CNN1: variants seen among roughly 807,000 people sequenced by gnomAD.
CNN1 encodes calponin 1.
Under a neutral mutation model 35.3 loss-of-function variants are expected in CNN1, and 21 were observed. The observed-to-expected ratio is 0.60, with a 90% CI of 0.42 to 0.86. CNN1 has a LOEUF of 0.86. Ranked by LOEUF, CNN1 falls within the 40% of genes least tolerant of loss-of-function variation. The pLI is 0.00. For synonymous variants in CNN1, 164 were observed against 161.8 expected (o/e 1.01, Z -0.10); for missense variants, 314 against 400.8 (o/e 0.78, Z 1.85).
chr19:11,544,859 G>GCT (rs1972546526), intron 2 of CNN1, among the ~76,000 whole-genome samples: 1 of 151,840 alleles, frequency 6.6e-6, no homozygotes, highest in Admixed American at 6.6e-5. Context: ...GCAATGGGAG[G>GCT]CTCCTGGAGG....
At chr19:11,540,278 C>T in intron 1 of CNN1, 1 of 161,982 alleles carries the variant, frequency 6.2e-6, no homozygotes. Flanking sequence ...AAGACCTAGA[C>T]AAGGATGGAG....
At chr19:11,548,613 G>A (rs1392228378) in intron 5 of CNN1, among the ~76,000 whole-genome samples, 1 of 151,998 alleles carries the variant, frequency 6.6e-6, no homozygotes, top group Non-Finnish European at 1.5e-5. Context: ...CGAGGCAGGC[G>A]GATCACTTAA....
At chr19:11,540,810 C>T in intron 1 of CNN1, 1 of 366,166 alleles carries the variant, frequency 2.7e-6, no homozygotes, top group Non-Finnish European at 4.9e-6. Flanking sequence ...GATCCAGCTC[C>T]CCACACCCCA....
chr19:11,538,873 C>T lies in CNN1; in HGVS notation c.-55C>T. ...TGTGCAGACGGAACTTCAGCCGCTGCCTCTGTTCTCAGCGTCAGTGCCGCC... is the reference window on the plus strand; with the variant it reads ...TGTGCAGACGGAACTTCAGCCGCTGTCTCTGTTCTCAGCGTCAGTGCCGCC... On this transcript the variant is annotated 5_prime_UTR_variant, in exon 1 of 7. Coordinates refer to ENST00000252456, the MANE Select transcript of CNN1 (RefSeq NM_001299.6). The T allele has an allele frequency of 3.5e-6, 5 of 1,427,900 alleles. No homozygotes were observed. The South Asian group carries it at 5.8e-5, about 16-fold the overall frequency. The allele number at this position is 1,427,900 out of a possible 1,614,324, so 88.5% of individuals were successfully genotyped here.
At position 11,541,068 on chromosome 19, in the gene CNN1, CG is replaced by C. The variant is rs1163883330; in HGVS notation, c.64-7del. On this transcript the variant is annotated splice_polypyrimidine_tract_variant and splice_region_variant and intron_variant, in intron 1 of 6. Transcript: ENST00000252456. ...TTCTCTGTGCCCCCTGCCCTCCCCT[CG>C]CCCCAGCTGGCCCAGAAGTATGACC... is the stretch of plus-strand genomic sequence containing the variant. 3.1e-6 allele frequency: 5 copies of C among 1,601,214 alleles called. No homozygotes were observed. The East Asian group carries it at 1.1e-4, about 37-fold the overall frequency.
chr19:11,539,636 G>C (rs550758969), intron 1 of CNN1: 1 of 725,322 alleles, frequency 1.4e-6, no homozygotes, highest in Non-Finnish European at 2.1e-6. Context: ...CCCAGCTGGA[G>C]AACTTTAAGT....
At chr19:11,547,349 A>G (rs1179993675) in intron 4 of CNN1, among the ~76,000 whole-genome samples, 12 of 151,068 alleles carry the variant, frequency 7.9e-5, no homozygotes, top group Non-Finnish European at 1.5e-4. Flanking sequence ...GTGAGCCGAG[A>G]TCGTGCCACT....
intron 2 of CNN1, chr19:11,542,187 C>G (rs1454463980): frequency 7.3e-6 from 1 of 137,918 alleles, no homozygotes; most frequent in Non-Finnish European, 1.5e-5. Flanking sequence ...CTCGCCCGAC[C>G]TTCTTCTTCT....
chr19:11,543,107 A>G (rs1972501614), intron 2 of CNN1, among the ~76,000 whole-genome samples: 1 of 152,184 alleles, frequency 6.6e-6, no homozygotes, highest in Non-Finnish European at 1.5e-5. Context: ...CTGGTGTCCC[A>G]GCTCAGGCAG....
At chr19:11,543,301 G>T (rs1386143858) in intron 2 of CNN1, among the ~76,000 whole-genome samples, 1 of 151,016 alleles carries the variant, frequency 6.6e-6, no homozygotes, top group Non-Finnish European at 1.5e-5. Flanking sequence ...AGTGAGCTAT[G>T]ATCGCGCCAC....
intron 3 of CNN1, 41 bp downstream of exon 3, chr19:11,546,782 C>G (rs1279849963): frequency 6.2e-7 from 1 of 1,613,698 alleles, no homozygotes. Flanking sequence ...GCCCGCAAGC[C>G]CCTCAGACCT....
intron 2 of CNN1, among the ~76,000 whole-genome samples, chr19:11,543,891 G>A (rs182087944): frequency 9.3e-5 from 14 of 150,566 alleles, no homozygotes; most frequent in African/African-American, 3.2e-4. Flanking sequence ...TAGTGCACAT[G>A]TACCCCAGAA....
intron 2 of CNN1, among the ~76,000 whole-genome samples, chr19:11,541,581 T>G (rs989330954): frequency 4.6e-5 from 7 of 152,180 alleles, no homozygotes; most frequent in African/African-American, 1.7e-4. Flanking sequence ...GCCCTGGTTT[T>G]CTTTCTGTTT....
intron 1 of CNN1, chr19:11,540,026 G>A (rs921105329): frequency 2.3e-4 from 239 of 1,055,924 alleles, no homozygotes; most frequent in Non-Finnish European, 2.7e-4. Flanking sequence ...GGCCAGGTGA[G>A]GGGGCCGCCC....
At position 11,550,079 on chromosome 19, in the gene CNN1, T is replaced by G; in HGVS notation, c.*284T>G. Reference sequence around the variant, plus strand: ...AACGCTATTCCAGCTGTCCCCCCACTCCCTCACAAGTGGGTACCCCCAGGA... The same window carrying G: ...AACGCTATTCCAGCTGTCCCCCCACGCCCTCACAAGTGGGTACCCCCAGGA... On this transcript the variant is annotated 3_prime_UTR_variant, in exon 7 of 7. Coordinates refer to ENST00000252456, the MANE Select transcript of CNN1 (RefSeq NM_001299.6). 2 of 320,496 alleles carry G rather than the reference T, an allele frequency of 6.2e-6. No homozygotes were observed. The highest frequency in any genetic ancestry group is 9.9e-5 in the South Asian group (1 of 10,068). The allele number at this position is 320,496 out of a possible 1,614,324, so 19.9% of individuals were successfully genotyped here.
rs1484969282 is a variant in CNN1 at position 11,549,582 on chromosome 19, G to A, written c.681G>A (p.Gln227=). 1.2e-6 allele frequency: 2 copies of A among 1,602,286 alleles called. No individual in the cohort carries two copies. Among genetic ancestry groups the A allele is most frequent in the Non-Finnish European group, 1.7e-6 (2 of 1,171,342 alleles). The change falls in exon 7 of 7, where the codon CAG becomes CAA. Residue 227 remains glutamine (Q), a synonymous_variant. Transcript: ENST00000252456. This position sits in a 1 kb window ranked among gnomAD's most constrained non-coding sequence, Gnocchi z 5.2. ...TGACTGCGCCAGGGACCAAGCGGCA[G>A]ATCTTCGAGCCGGGGCTGGGCATGG... ...AGMTAPGTKR[Q]IFEPGLGMEH...
chr19:11,546,882 G>A lies in CNN1; in HGVS notation c.303G>A (p.Lys101=), dbSNP rs1972598852. ...FIKAITKYGV[K]PHDIFEANDL... is the part of the protein sequence containing the mutation. ...AGGCCATCACCAAGTATGGGGTGAA[G>A]CCCCACGACATTTTTGAGGCCAACG... is the stretch of plus-strand genomic sequence containing the variant. Residue 101 remains lysine, a synonymous_variant, in exon 4 of 7, where the codon AAG becomes AAA. Coordinates refer to ENST00000252456, the MANE Select transcript of CNN1 (RefSeq NM_001299.6). The A allele has an allele frequency of 6.2e-7, 1 of 1,614,106 alleles. No individual in the cohort carries two copies. The highest frequency in any genetic ancestry group is 1.3e-5 in the African/African-American group (1 of 74,932).
intron 2 of CNN1, among the ~76,000 whole-genome samples, chr19:11,542,869 C>T (rs568212940): frequency 4.6e-5 from 7 of 152,322 alleles, no homozygotes; most frequent in Middle Eastern, 6.8e-3. Flanking sequence ...CCACCGCGCC[C>T]GGCTCCACTG....
chr19:11,540,971 G>A, intron 1 of CNN1, 105 bp from the exon 2 acceptor site: 1 of 1,269,432 alleles, frequency 7.9e-7, no homozygotes, highest in Admixed American at 3.0e-5. Context: ...GGAAGGACGA[G>A]GGAGATCAGG....
Sources: allele counts gnomAD v4.1 joint callset (sites outside exome capture counted in the v4.1 genomes callset), GRCh38; gene constraint gnomAD v4.1.1; non-coding constraint Gnocchi (gnomAD v3.1); transcripts MANE v1.5; gene names NCBI Gene and HGNC (gene_info 2026-07-23, HGNC 2026-07-21).